Variants in ANKH observed in about 807,000 individuals in gnomAD.
ANKH encodes the protein ANKH inorganic pyrophosphate transport regulator.
Under a neutral mutation model 49.0 loss-of-function variants are expected in ANKH, and 15 were observed. The observed-to-expected ratio is 0.31, with a 90% confidence interval of 0.20 to 0.47. The LOEUF (loss-of-function observed/expected upper bound fraction) is 0.47. ANKH is among the 20% of genes least tolerant of loss of function. The pLI is 1.00. For synonymous variants in ANKH, 273 were observed against 260.0 expected (o/e 1.05, Z -0.48); for missense variants, 429 against 652.0 (o/e 0.66, Z 3.72).
At chr5:14,757,430 A>ATATATCTTT (rs1379233165) in intron 3 of ANKH, among the ~76,000 whole-genome samples, 1 of 113,818 alleles carries the variant, frequency 8.8e-6, no homozygotes, top group Non-Finnish European at 1.8e-5. Flanking sequence ...ATATATATAT[A>ATATATCTTT]TTTTTTTTTT....
chr5:14,858,773 T>C (rs529043615), intron 1 of ANKH, among the ~76,000 whole-genome samples: 2 of 142,602 alleles, frequency 1.4e-5, no homozygotes, highest in Admixed American at 1.4e-4. Context: ...TAAAATAAAA[T>C]ATATGCACAG....
Position 14,838,679 on chromosome 5 carries a change from G to A in ANKH, c.96+32673C>T, listed in dbSNP as rs565554526. On this transcript the variant is annotated intron_variant, in intron 1 of 11. Coordinates refer to ENST00000284268, the MANE Select transcript of ANKH (RefSeq NM_054027.6). ...AATACCCAGTCCTGAGGGGAGCTTT[G>A]CTTAATTCCAGCTGGATTATTTTGT... Among the ~76,000 whole-genome samples the A allele has an allele frequency of 1.6e-3, 250 of 152,292 alleles. 1 individual carries two copies. Among genetic ancestry groups the A allele is most frequent in the Non-Finnish European group, 3.0e-3 (204 of 68,032 alleles).
intron 4 of ANKH, among the ~76,000 whole-genome samples, chr5:14,753,455 AG>A (rs1738783752): frequency 6.6e-6 from 1 of 152,230 alleles, no homozygotes; most frequent in African/African-American, 2.4e-5. Flanking sequence ...GGGAATTTAC[AG>A]GAATGCGGGG....
intron 1 of ANKH, chr5:14,797,017 T>C: frequency 8.6e-7 from 1 of 1,169,096 alleles, no homozygotes; most frequent in South Asian, 1.5e-5. Flanking sequence ...GTACCTATTA[T>C]ATAGAGGGAT....
chr5:14,724,135 T>C (rs2126432564), intron 8 of ANKH, among the ~76,000 whole-genome samples: 1 of 152,220 alleles, frequency 6.6e-6, no homozygotes, highest in African/African-American at 2.4e-5. Flanking sequence ...CTAACCAACA[T>C]GGAGAAGCCC....
At chr5:14,844,592 G>A (rs192075836) in intron 1 of ANKH, among the ~76,000 whole-genome samples, 3 of 152,320 alleles carry the variant, frequency 2.0e-5, no homozygotes, top group Admixed American at 1.3e-4. Flanking sequence ...AACAACAGCG[G>A]TCAGGGAGAA....
At chr5:14,719,483 G>C (rs983190075) in intron 8 of ANKH, among the ~76,000 whole-genome samples, 2 of 152,194 alleles carry the variant, frequency 1.3e-5, no homozygotes, top group Admixed American at 1.3e-4. Context: ...CAGGTCAGCT[G>C]ATCTTCCCTG....
rs1736936529 is a variant in ANKH, at chr5:14,706,065, A to G, written c.*5132T>C. ...TTTAGCTGGTCTGTCCCCTTCTTTA[A>G]CCTAAGGAAACCACTTAAACTCTTG... On this transcript the variant is annotated 3_prime_UTR_variant, in exon 12 of 12. Coordinates refer to ENST00000284268, the MANE Select transcript of ANKH (RefSeq NM_054027.6). 1 of 152,090 alleles carries G rather than the reference A, an allele frequency of 6.6e-6. No homozygotes were observed. Among genetic ancestry groups the G allele is most frequent in the Non-Finnish European group, 1.5e-5 (1 of 68,008 alleles). The allele number at this position is 152,090 out of a possible 1,614,324, so 9.4% of individuals were successfully genotyped here. A position where few individuals can be genotyped will look rare whatever the true frequency, so the allele number is the denominator to read the frequency against.
At chr5:14,818,692 T>C (rs1741114447) in intron 1 of ANKH, among the ~76,000 whole-genome samples, 2 of 141,910 alleles carry the variant, frequency 1.4e-5, no homozygotes, top group African/African-American at 5.2e-5. Context: ...GAAAAAAGAA[T>C]TAGACCCCTG....
At chr5:14,803,957 G>A (rs182152376) in intron 1 of ANKH, among the ~76,000 whole-genome samples, 102 of 152,154 alleles carry the variant, frequency 6.7e-4, no homozygotes, top group African/African-American at 2.2e-3. Context: ...GTGCAACGGC[G>A]CGGTATCTGC....
chr5:14,732,599 C>T (rs897414874), intron 8 of ANKH, among the ~76,000 whole-genome samples: 32 of 152,180 alleles, frequency 2.1e-4, no homozygotes, highest in Admixed American at 2.6e-4. Flanking sequence ...CTGAGTGTCC[C>T]GGTGGTGGAG....
At chr5:14,715,264 T>C (rs1041624133) in intron 9 of ANKH, among the ~76,000 whole-genome samples, 2 of 152,226 alleles carry the variant, frequency 1.3e-5, no homozygotes, top group Admixed American at 6.5e-5. Context: ...CCTGAGTAGC[T>C]GGGATTACAG....
At position 14,755,869 on chromosome 5, in the gene ANKH, T is replaced by A. The variant is rs1474400465; in HGVS notation, c.508A>T (p.Ile170Leu). Residue 170 changes from isoleucine (I) to leucine (L), a missense_variant, in exon 4 of 12, where the codon ATA becomes TTA. Around this residue, in one of 2 missense-constraint regions of ANKH, gnomAD observed 378 missense variants for 615.3 expected, o/e 0.61. Coordinates refer to ENST00000284268, the MANE Select transcript of ANKH (RefSeq NM_054027.6). ...ACACAGACCATATTTACCTGAGCTA[T>A]GACATCTGAGATTGAGGCACATCCC... Reference protein sequence around the residue: ...LVGCASISDVIAQVVFVAILL... With the variant: ...LVGCASISDVLAQVVFVAILL... 1.7e-5 allele frequency: 28 copies of A among 1,613,894 alleles called. No individual in the cohort carries two copies. Among genetic ancestry groups the A allele is most frequent in the Non-Finnish European group, 2.0e-5 (24 of 1,179,878 alleles).
chr5:14,871,537 G>T lies in ANKH; in HGVS notation c.-90C>A. 1 of 1,010,716 alleles carries T rather than the reference G, an allele frequency of 9.9e-7. No individual in the cohort carries two copies. Among genetic ancestry groups the T allele is most frequent in the Non-Finnish European group, 1.4e-6 (1 of 729,750 alleles). The allele number at this position is 1,010,716 out of a possible 1,614,324, so 62.6% of individuals were successfully genotyped here. A position where few individuals can be genotyped will look rare whatever the true frequency, so the allele number is the denominator to read the frequency against. On this transcript the variant is annotated 5_prime_UTR_variant, in exon 1 of 12. Transcript: ENST00000284268. The stretch of plus-strand genomic sequence containing the variant: ...GGGGCGACGGGGCGACGGGGCGAGC[G>T]GGGCGCGGGCCGACAGAGGCCGCGG...
intron 1 of ANKH, among the ~76,000 whole-genome samples, chr5:14,836,118 CA>C (rs1383119138): frequency 1.3e-5 from 2 of 152,038 alleles, no homozygotes; most frequent in African/African-American, 4.8e-5. Context: ...GGACGTATCT[CA>C]AAATAATAAG....
rs546192648 is a variant in ANKH, at chr5:14,796,455, A to G, written c.97-27264T>C. ...TTTACAACTTGGCGGTCCCAAGTTA[A>G]AAAAAAAAAACACACACCAACAAAA... On this transcript the variant is annotated intron_variant, in intron 1 of 11. Transcript: ENST00000284268. Among the ~76,000 whole-genome samples the G allele has an allele frequency of 6.1e-4, 13 of 21,464 alleles. No individual in the cohort carries two copies. The South Asian group carries it at 0.014, about 23-fold the overall frequency. 14.1% of individuals were successfully genotyped at this position (21,464 alleles called of 152,430 possible).
chr5:14,828,209 T>C (rs888297146), intron 1 of ANKH, among the ~76,000 whole-genome samples: 4 of 152,166 alleles, frequency 2.6e-5, no homozygotes, highest in Non-Finnish European at 4.4e-5. Flanking sequence ...AACAAGCTTC[T>C]GGCTGGGAGT....
chr5:14,767,997 G>A (rs1484198008), intron 2 of ANKH, among the ~76,000 whole-genome samples: 1 of 152,178 alleles, frequency 6.6e-6, no homozygotes, highest in Non-Finnish European at 1.5e-5. Context: ...TTGGCTGAAT[G>A]TCTGGTCCAT....
chr5:14,719,742 C>T lies in ANKH; in HGVS notation c.1012-2907G>A, dbSNP rs778529215. Among the ~76,000 whole-genome samples the T allele has an allele frequency of 3.3e-5, 5 of 152,124 alleles. No homozygotes were observed. The South Asian group carries it at 8.3e-4, about 25-fold the overall frequency. Reference sequence around the variant, plus strand: ...TCCATCAAGAGTTGGGGGTGCCTCTCGGAGTAGGAAAGGGACAGGGTGGAA... The same window carrying T: ...TCCATCAAGAGTTGGGGGTGCCTCTTGGAGTAGGAAAGGGACAGGGTGGAA... On this transcript the variant is annotated intron_variant, in intron 8 of 11. Transcript: ENST00000284268.
Sources: gnomAD v4.1 joint callset for allele counts (sites outside exome capture counted in the v4.1 genomes callset) on GRCh38, gnomAD v4.1.1 for gene constraint, gnomAD v4.1.1 regional missense constraint, MANE v1.5 for transcripts, NCBI Gene and HGNC (gene_info 2026-07-23, HGNC 2026-07-21) for gene names.